Variants in NME7 observed in about 807,000 individuals in gnomAD.
The protein encoded by NME7 is nucleoside diphosphate kinase 7.
Under a neutral mutation model 49.1 loss-of-function variants are expected in NME7, and 41 were observed. The ratio of observed to expected loss-of-function variants is 0.83; its 90% CI spans 0.65 to 1.08. NME7 has a LOEUF of 1.08. Among genes scored for constraint, NME7 ranks in the 50% least tolerant of loss-of-function variants. The pLI, the probability that NME7 is intolerant of heterozygous loss-of-function variation, is 0.00. For synonymous variants in NME7, 139 were observed against 150.6 expected (o/e 0.92, Z 0.56); for missense variants, 423 against 463.4 (o/e 0.91, Z 0.80).
At chr1:169,139,381 TA>T (rs1483424212) in intron 11 of NME7, among the ~76,000 whole-genome samples, 1 of 152,228 alleles carries the variant, frequency 6.6e-6, no homozygotes, top group African/African-American at 2.4e-5. Context: ...ATAATTTGCC[TA>T]AAGACATATC....
intron 6 of NME7, among the ~76,000 whole-genome samples, chr1:169,290,795 A>C (rs12142784): frequency 0.24 from 36,712 of 152,152 alleles, 5,473 homozygotes; most frequent in Non-Finnish European, 0.34. Flanking sequence ...TCCAGAATCT[A>C]CAAGGAACTT....
intron 1 of NME7, among the ~76,000 whole-genome samples, chr1:169,367,394 T>G (rs1043239326): frequency 1.3e-5 from 2 of 152,204 alleles, no homozygotes; most frequent in African/African-American, 4.8e-5. Context: ...TGTGAATCTG[T>G]GAACATGAAA....
chr1:169,170,287 G>A (rs1049195442), intron 10 of NME7, among the ~76,000 whole-genome samples: 1 of 152,060 alleles, frequency 6.6e-6, no homozygotes, highest in Non-Finnish European at 1.5e-5. Context: ...GAAGAAAGAA[G>A]AACAACAGAT....
intron 7 of NME7, among the ~76,000 whole-genome samples, chr1:169,260,983 ACAAATGAATATTC>A (rs1389617347): frequency 3.0e-5 from 4 of 133,728 alleles, no homozygotes; most frequent in African/African-American, 1.0e-4. Flanking sequence ...TACTGGGTCA[ACAAATGAATATTC>A]CAAAGGCATG....
intron 10 of NME7, among the ~76,000 whole-genome samples, chr1:169,170,437 T>C (rs1384814357): frequency 6.6e-6 from 1 of 152,242 alleles, no homozygotes; most frequent in Non-Finnish European, 1.5e-5. Context: ...TTTAAAGACA[T>C]GCATTTATTT....
chr1:169,165,644 G>C (rs1034066769), intron 11 of NME7, among the ~76,000 whole-genome samples: 2 of 152,186 alleles, frequency 1.3e-5, no homozygotes, highest in Non-Finnish European at 2.9e-5. Context: ...TAGGAACAAA[G>C]TGCTCACTGA....
At chr1:169,135,014 C>CAAAAAAA (rs58463903) in intron 11 of NME7, among the ~76,000 whole-genome samples, 2,267 of 50,318 alleles carry the variant, frequency 0.045, 487 homozygotes, top group East Asian at 0.094. Flanking sequence ...CCCGTCTCTA[C>CAAAAAAA]AAAAAAAAAA....
At chr1:169,144,786 G>C (rs1658702695) in intron 11 of NME7, among the ~76,000 whole-genome samples, 1 of 152,118 alleles carries the variant, frequency 6.6e-6, no homozygotes, top group Admixed American at 6.5e-5. Context: ...CCAATTACTG[G>C]AAGCTGAAGC....
rs1571322854 is a variant in NME7 at position 169,246,921 on chromosome 1, C to T, written c.755-9234G>A. The T allele has an allele frequency of 7.0e-6, 3 of 427,120 alleles. No individual in the cohort carries two copies. The East Asian group carries it at 2.1e-4, about 30-fold the overall frequency. 26.5% of individuals were successfully genotyped at this position (427,120 alleles called of 1,614,324 possible). ...TGTAGATATACCTACAATATGGTGA[C>T]TTTGTGTACTGAAATTCATCAAGAT... is the stretch of plus-strand genomic sequence containing the variant. On this transcript the variant is annotated intron_variant, in intron 7 of 11. Transcript: ENST00000367811.
chr1:169,221,672 TATAA>T (rs1405275273), intron 10 of NME7, among the ~76,000 whole-genome samples: 1 of 151,558 alleles, frequency 6.6e-6, no homozygotes, highest in East Asian at 1.9e-4. Context: ...CAGTAGAATA[TATAA>T]ATATATTTAT....
In NME7 at chr1:169,183,811, G is replaced by GA. The variant is rs891889001; in HGVS notation, c.991-14258dup. Among the ~76,000 whole-genome samples, 74 of 142,040 alleles carry GA rather than the reference G, an allele frequency of 5.2e-4. No homozygotes were observed. The South Asian group carries it at 0.012, about 23-fold the overall frequency. The allele number at this position is 142,040 out of a possible 152,430, so 93.2% of individuals were successfully genotyped here. On this transcript the variant is annotated intron_variant, in intron 10 of 11. Transcript: ENST00000367811. Reference sequence around the variant, plus strand: ...AGCGAGACTCCATCTCAGAAAAAAAGAAAAAAAAAAGAAAAGCCCTATGTG... The same window carrying GA: ...AGCGAGACTCCATCTCAGAAAAAAAGAAAAAAAAAAAGAAAAGCCCTATGTG...
At chr1:169,325,434 G>A (rs540166867) in intron 1 of NME7, among the ~76,000 whole-genome samples, 8 of 152,058 alleles carry the variant, frequency 5.3e-5, no homozygotes, top group Non-Finnish European at 8.8e-5. Flanking sequence ...TGTAGTTGGA[G>A]GTCTGTGAAG....
At chr1:169,356,438 C>T (rs1015867228) in intron 1 of NME7, among the ~76,000 whole-genome samples, 8 of 151,754 alleles carry the variant, frequency 5.3e-5, no homozygotes, top group African/African-American at 1.7e-4. Context: ...TCTGAAAAAA[C>T]GTGTAGGAGC....
intron 10 of NME7, among the ~76,000 whole-genome samples, chr1:169,225,723 T>A (rs1421224295): frequency 6.6e-6 from 1 of 152,154 alleles, no homozygotes; most frequent in Non-Finnish European, 1.5e-5. Flanking sequence ...CACCCTCTCC[T>A]CTTTGGACAC....
At chr1:169,338,289 T>C (rs1298311272) in intron 1 of NME7, among the ~76,000 whole-genome samples, 1 of 152,170 alleles carries the variant, frequency 6.6e-6, no homozygotes, top group African/African-American at 2.4e-5. Flanking sequence ...TTCAAGACAA[T>C]ATCTCAGAAA....
chr1:169,157,157 ACTCT>A (rs1249535585), intron 11 of NME7, among the ~76,000 whole-genome samples: 1 of 151,992 alleles, frequency 6.6e-6, no homozygotes. Context: ...AGTGGGGCTC[ACTCT>A]CATCAGGTCA....
chr1:169,204,336 C>T (rs891438663), intron 10 of NME7, among the ~76,000 whole-genome samples: 1 of 151,560 alleles, frequency 6.6e-6, no homozygotes, highest in African/African-American at 2.4e-5. Context: ...ACTTTGATCA[C>T]ATGACAGTGC....
chr1:169,175,905 CTT>C (rs1404078950), intron 10 of NME7, among the ~76,000 whole-genome samples: 1 of 152,118 alleles, frequency 6.6e-6, no homozygotes, highest in African/African-American at 2.4e-5. Flanking sequence ...GGTAATAAAA[CTT>C]AATATCAAAT....
chr1:169,147,900 A>C (rs1286958492), intron 11 of NME7, among the ~76,000 whole-genome samples: 1 of 152,236 alleles, frequency 6.6e-6, no homozygotes, highest in Non-Finnish European at 1.5e-5. Flanking sequence ...AGCGATTGTT[A>C]TAACTTCTTT....
Sources: gnomAD v4.1 joint callset for allele counts (sites outside exome capture counted in the v4.1 genomes callset) on GRCh38, gnomAD v4.1.1 for gene constraint, MANE v1.5 for transcripts, NCBI Gene and HGNC (gene_info 2026-07-23, HGNC 2026-07-21) for gene names.